Variants in RANBP17 observed in about 807,000 individuals in gnomAD.
RANBP17 encodes the protein ran-binding protein 17.
A neutral mutation model predicts 141.2 loss-of-function variants in RANBP17; 158 were observed. The observed-to-expected ratio is 1.12, with a 90% CI of 0.98 to 1.28. The LOEUF (loss-of-function observed/expected upper bound fraction) is 1.28, where lower values mean the gene tolerates loss of function less well. RANBP17 is among the 50% of genes most tolerant of loss of function. The pLI, the probability that RANBP17 is intolerant of heterozygous loss-of-function variation, is 0.00. For synonymous variants in RANBP17, 430 were observed against 450.0 expected (o/e 0.96, Z 0.56); for missense variants, 1,438 against 1,290.7 (o/e 1.11, Z -1.75).
At chr5:171,113,790 T>C (rs1755415962) in intron 14 of RANBP17, among the ~76,000 whole-genome samples, 1 of 152,060 alleles carries the variant, frequency 6.6e-6, no homozygotes, top group African/African-American at 2.4e-5. Flanking sequence ...TTTCAGGGAG[T>C]CAGTGAGATC....
At chr5:171,231,818 A>G (rs991526581) in intron 22 of RANBP17, among the ~76,000 whole-genome samples, 2 of 152,204 alleles carry the variant, frequency 1.3e-5, no homozygotes, top group Non-Finnish European at 2.9e-5. Flanking sequence ...AATGTTGGAA[A>G]TGATCTAATA....
At chr5:170,914,110 T>C in intron 7 of RANBP17, 57 bp from the exon 8 acceptor site, 1 of 1,171,226 alleles carries the variant, frequency 8.5e-7, no homozygotes, top group Non-Finnish European at 1.3e-6. Flanking sequence ...ATTGTCTTAC[T>C]TTGTTAAGAT....
chr5:171,192,575 C>T (rs575189262), intron 18 of RANBP17, among the ~76,000 whole-genome samples: 1 of 152,064 alleles, frequency 6.6e-6, no homozygotes, highest in Non-Finnish European at 1.5e-5. Flanking sequence ...ATGGAGAAAA[C>T]TACGTAGAAG....
chr5:171,137,709 A>G (rs919935296), intron 14 of RANBP17, among the ~76,000 whole-genome samples: 9 of 151,608 alleles, frequency 5.9e-5, no homozygotes, highest in Admixed American at 5.9e-4. Flanking sequence ...ATTTGCCACC[A>G]ATTTATGGTT....
chr5:170,906,116 A>G (rs1002269209), intron 5 of RANBP17, among the ~76,000 whole-genome samples: 3 of 152,052 alleles, frequency 2.0e-5, no homozygotes, highest in African/African-American at 7.2e-5. Flanking sequence ...CCTAACCACA[A>G]TACAACCTTG....
At chr5:171,008,682 A>C (rs1416924720) in intron 14 of RANBP17, among the ~76,000 whole-genome samples, 1 of 152,240 alleles carries the variant, frequency 6.6e-6, no homozygotes, top group Non-Finnish European at 1.5e-5. Context: ...TACAAAGTAC[A>C]TTCATCAGTT....
At chr5:171,083,494 T>C in intron 14 of RANBP17, among the ~76,000 whole-genome samples, 1 of 152,200 alleles carries the variant, frequency 6.6e-6, no homozygotes, top group East Asian at 1.9e-4. Context: ...TGGTATTCTG[T>C]TACAGCAGCC....
intron 14 of RANBP17, among the ~76,000 whole-genome samples, chr5:170,977,660 A>G (rs7729226): frequency 0.013 from 1,995 of 152,242 alleles, 44 homozygotes; most frequent in African/African-American, 0.046. Context: ...TTATTCAGCC[A>G]TAAAAAGGAA....
At chr5:171,275,800 G>A (rs760200895) in intron 25 of RANBP17, among the ~76,000 whole-genome samples, 1 of 152,018 alleles carries the variant, frequency 6.6e-6, no homozygotes, top group Non-Finnish European at 1.5e-5. Flanking sequence ...TTTTTGGTGG[G>A]GAGGTTCCCC....
chr5:171,276,424 C>T (rs928718609), intron 25 of RANBP17, among the ~76,000 whole-genome samples: 5 of 152,194 alleles, frequency 3.3e-5, no homozygotes, highest in Non-Finnish European at 7.3e-5. Flanking sequence ...AAGAAGCCAG[C>T]TCTTTGTGAA....
intron 18 of RANBP17, among the ~76,000 whole-genome samples, chr5:171,193,269 T>C (rs996855737): frequency 1.3e-5 from 2 of 152,208 alleles, no homozygotes; most frequent in African/African-American, 4.8e-5. Context: ...ATTGAATATG[T>C]CTTGTATATA....
At chr5:171,011,617 C>CAT (rs1199125827) in intron 14 of RANBP17, among the ~76,000 whole-genome samples, 1 of 151,970 alleles carries the variant, frequency 6.6e-6, no homozygotes, top group African/African-American at 2.4e-5. Context: ...TTTATGCATA[C>CAT]ATATGATATA....
At chr5:171,097,349 T>C (rs1270162528) in intron 14 of RANBP17, among the ~76,000 whole-genome samples, 3 of 152,008 alleles carry the variant, frequency 2.0e-5, no homozygotes, top group East Asian at 1.9e-4. Flanking sequence ...TTCTAGATGT[T>C]AATATGTAAT....
intron 1 of RANBP17, among the ~76,000 whole-genome samples, chr5:170,864,068 A>G (rs1767041654): frequency 1.3e-5 from 2 of 152,238 alleles, no homozygotes; most frequent in Non-Finnish European, 2.9e-5. Flanking sequence ...TATCCTCATT[A>G]TAGAGGTGAG....
chr5:171,252,120 A>T, intron 24 of RANBP17: 2 of 1,594,552 alleles, frequency 1.3e-6, no homozygotes, highest in South Asian at 2.2e-5. Flanking sequence ...AATACCTCCC[A>T]AGAAGTTCAT....
chr5:170,944,383 C>G (rs1774584941), intron 12 of RANBP17, among the ~76,000 whole-genome samples: 1 of 152,230 alleles, frequency 6.6e-6, no homozygotes, highest in African/African-American at 2.4e-5. Context: ...TCTCCCACCT[C>G]AGCCTCCTGA....
At chr5:171,101,006 T>A (rs1405726511) in intron 14 of RANBP17, among the ~76,000 whole-genome samples, 1 of 152,088 alleles carries the variant, frequency 6.6e-6, no homozygotes, top group Non-Finnish European at 1.5e-5. Flanking sequence ...TGCTGAGGAG[T>A]GTTTTACTTC....
intron 14 of RANBP17, among the ~76,000 whole-genome samples, chr5:171,147,102 G>A (rs1164212189): frequency 1.3e-5 from 2 of 152,140 alleles, no homozygotes; most frequent in South Asian, 2.1e-4. Flanking sequence ...TGGGAGAGGG[G>A]TGCCACTGTC....
chr5:171,179,492 G>T (rs918442695), intron 16 of RANBP17, among the ~76,000 whole-genome samples: 1 of 150,456 alleles, frequency 6.6e-6, no homozygotes, highest in Non-Finnish European at 1.5e-5. Context: ...TTTCTGACAT[G>T]TAATATTGTC....
Sources: gnomAD v4.1 joint callset for allele counts (sites outside exome capture counted in the v4.1 genomes callset) on GRCh38, gnomAD v4.1.1 for gene constraint, MANE v1.5 for transcripts, NCBI Gene and HGNC (gene_info 2026-07-23, HGNC 2026-07-21) for gene names.